The following SYNPR variants were observed in gnomAD, a reference collection of about 807,000 sequenced individuals.
SYNPR encodes synaptoporin.
Under a neutral mutation model 32.9 loss-of-function variants are expected in SYNPR, and 23 were observed. The ratio of observed to expected loss-of-function variants is 0.70; its 90% CI spans 0.50 to 0.99. SYNPR has a LOEUF of 0.99. Among genes scored for constraint, SYNPR ranks in the 50% least tolerant of loss-of-function variants. The pLI, the probability that SYNPR is intolerant of heterozygous loss-of-function variation, is 0.00. For synonymous variants in SYNPR, 146 were observed against 135.9 expected (o/e 1.07, Z -0.52); for missense variants, 318 against 349.3 (o/e 0.91, Z 0.71).
At chr3:63,253,887 A>G (rs977452586) in intron 2 of SYNPR, among the ~76,000 whole-genome samples, 12 of 152,226 alleles carry the variant, frequency 7.9e-5, no homozygotes, top group African/African-American at 2.9e-4. Flanking sequence ...TTGCGGCACT[A>G]TTCACAATAG....
chr3:63,503,205 T>G (rs2106740099), intron 3 of SYNPR, among the ~76,000 whole-genome samples: 1 of 152,254 alleles, frequency 6.6e-6, no homozygotes, highest in East Asian at 1.9e-4. Context: ...TGACACGTGA[T>G]GTGGAACATC....
At chr3:63,292,018 G>T (rs1178185078) in intron 2 of SYNPR, among the ~76,000 whole-genome samples, 1 of 152,092 alleles carries the variant, frequency 6.6e-6, no homozygotes, top group African/African-American at 2.4e-5. Context: ...TTGCTCCTAG[G>T]CTAAAAACCT....
chr3:63,558,199 T>G (rs1277108582), intron 4 of SYNPR, among the ~76,000 whole-genome samples: 2 of 152,198 alleles, frequency 1.3e-5, no homozygotes, highest in Non-Finnish European at 2.9e-5. Context: ...AATCTTAAAC[T>G]TCCCAGCCTG....
intron 2 of SYNPR, among the ~76,000 whole-genome samples, chr3:63,257,923 T>C (rs1264027815): frequency 1.3e-5 from 2 of 151,942 alleles, no homozygotes; most frequent in African/African-American, 4.8e-5. Flanking sequence ...GCAATCCTAA[T>C]CTCTGATAAA....
Position 63,377,863 on chromosome 3 carries a change from T to C in SYNPR, c.84+99121T>C, listed in dbSNP as rs555933059. ...TTAGCATATAAGAATAAATTAAGCA[T>C]AAGATTATTTTTTCCCCAGGACATT... On this transcript the variant is annotated intron_variant, in intron 2 of 5. Coordinates refer to ENST00000478300, the MANE Select transcript of SYNPR (RefSeq NM_001130003.2). Among the ~76,000 whole-genome samples the C allele has an allele frequency of 6.6e-5, 10 of 152,030 alleles. No homozygotes were observed. In the East Asian group the frequency reaches 1.5e-3, roughly 23 times the overall value.
intron 2 of SYNPR, among the ~76,000 whole-genome samples, chr3:63,369,357 A>G (rs1488328838): frequency 6.6e-6 from 1 of 152,176 alleles, no homozygotes; most frequent in Non-Finnish European, 1.5e-5. Flanking sequence ...AAACTGATAG[A>G]GTCTGCAAAA....
intron 3 of SYNPR, among the ~76,000 whole-genome samples, chr3:63,522,018 T>A (rs933646890): frequency 6.6e-6 from 1 of 152,198 alleles, no homozygotes; most frequent in Non-Finnish European, 1.5e-5. Flanking sequence ...AGGGGGCAAG[T>A]AGATCTGGAG....
chr3:63,267,673 G>A (rs778338305), intron 3 of SYNPR, among the ~76,000 whole-genome samples: 5 of 152,160 alleles, frequency 3.3e-5, no homozygotes, highest in Non-Finnish European at 5.9e-5. Context: ...CTATGTGCAG[G>A]CTTCTTGCCT....
intron 2 of SYNPR, among the ~76,000 whole-genome samples, chr3:63,290,145 T>C (rs1301818134): frequency 3.1e-5 from 3 of 97,622 alleles, no homozygotes; most frequent in Non-Finnish European, 6.6e-5. Flanking sequence ...ACAAAAAAAC[T>C]CCTTTTCACA....
chr3:63,527,256 G>C (rs1159041204), intron 3 of SYNPR, among the ~76,000 whole-genome samples: 1 of 152,114 alleles, frequency 6.6e-6, no homozygotes, highest in Non-Finnish European at 1.5e-5. Context: ...CTGTTTGCCT[G>C]TTTATTCCCA....
At chr3:63,223,429 C>T (rs1212635197), upstream of SYNPR, among the ~76,000 whole-genome samples, 1 of 151,786 alleles carries the variant, frequency 6.6e-6, no homozygotes, top group Admixed American at 6.6e-5. Flanking sequence ...TGCTTTCCCA[C>T]GTTTTTGAGT....
At chr3:63,311,320 T>A (rs1053463665) in intron 2 of SYNPR, among the ~76,000 whole-genome samples, 1 of 152,038 alleles carries the variant, frequency 6.6e-6, no homozygotes, top group Admixed American at 6.6e-5. Flanking sequence ...AACTTCTCCA[T>A]GGAAATTCTA....
At chr3:63,268,906 A>T (rs1188580421) in intron 3 of SYNPR, among the ~76,000 whole-genome samples, 1 of 152,248 alleles carries the variant, frequency 6.6e-6, no homozygotes, top group Admixed American at 6.5e-5. Context: ...CACTGTGCGA[A>T]TGCTAGAAAT....
chr3:63,396,241 C>G (rs1169088260), intron 2 of SYNPR, among the ~76,000 whole-genome samples: 2 of 152,198 alleles, frequency 1.3e-5, no homozygotes, highest in South Asian at 2.1e-4. Context: ...ATCAGTGATT[C>G]ATCCATATCA....
intron 1 of SYNPR, among the ~76,000 whole-genome samples, chr3:63,230,280 T>C (rs930300432): frequency 6.6e-6 from 1 of 152,196 alleles, no homozygotes; most frequent in Admixed American, 6.5e-5. Flanking sequence ...TGGTCCTTTT[T>C]AGATATTTGC....
chr3:63,343,604 A>G (rs1463765265), intron 2 of SYNPR, among the ~76,000 whole-genome samples: 1 of 152,140 alleles, frequency 6.6e-6, no homozygotes, highest in African/African-American at 2.4e-5. Context: ...TTTTCAGACC[A>G]TCTAAGTCCA....
At chr3:63,267,951 A>C (rs2086504331) in intron 3 of SYNPR, among the ~76,000 whole-genome samples, 1 of 152,212 alleles carries the variant, frequency 6.6e-6, no homozygotes, top group Non-Finnish European at 1.5e-5. Flanking sequence ...AGTATCACTA[A>C]TTTCAGCAAA....
At chr3:63,541,705 T>C (rs111477557) in intron 3 of SYNPR, among the ~76,000 whole-genome samples, 7 of 152,260 alleles carry the variant, frequency 4.6e-5, no homozygotes, top group African/African-American at 1.7e-4. Flanking sequence ...ATCCAGACTA[T>C]GAATATTGGC....
At chr3:63,274,895 CG>C (rs1438505538), upstream of SYNPR, among the ~76,000 whole-genome samples, 4 of 152,102 alleles carry the variant, frequency 2.6e-5, no homozygotes, top group Admixed American at 2.6e-4. Flanking sequence ...TTTCCAGTGG[CG>C]GGAAGGGCCC....
Sources: gnomAD v4.1 joint callset for allele counts (sites outside exome capture counted in the v4.1 genomes callset) on GRCh38, gnomAD v4.1.1 for gene constraint, MANE v1.5 for transcripts, NCBI Gene and HGNC (gene_info 2026-07-23, HGNC 2026-07-21) for gene names.